ASTN1: variants seen among roughly 807,000 people sequenced by gnomAD.
ASTN1 encodes the protein astrotactin 1.
Under a neutral mutation model 140.7 loss-of-function variants are expected in ASTN1, and 41 were observed. The observed-to-expected ratio is 0.29, with a 90% CI of 0.23 to 0.38. The LOEUF (loss-of-function observed/expected upper bound fraction) is 0.38, where lower values mean the gene tolerates loss of function less well. Among genes scored for constraint, ASTN1 ranks in the 10% least tolerant of loss-of-function variants. The pLI is 1.00. For synonymous variants in ASTN1, 640 were observed against 652.2 expected, an observed-to-expected ratio of 0.98 and a Z score of 0.29; for missense variants, 1,479 against 1,678.8, an observed-to-expected ratio of 0.88 and a Z score of 2.08.
intron 17 of ASTN1, 36 bp downstream of exon 17, chr1:176,894,526 G>A: frequency 6.2e-7 from 1 of 1,603,672 alleles, no homozygotes; most frequent in Non-Finnish European, 8.5e-7. Context: ...TGTTGTGGTT[G>A]ACGCCTCCCA....
In ASTN1 at chr1:176,973,840, C is replaced by G. The variant is rs181701088; in HGVS notation, c.1524-8603G>C. On this transcript the variant is annotated intron_variant, in intron 8 of 22. Transcript: ENST00000361833. ...CCTGACTAGAGTGCTGCCATCCCAG[C>G]CCACTCCTGGCATTTCATAGGCAAT... 1.4e-4 allele frequency among the ~76,000 whole-genome samples: 21 copies of G among 152,286 alleles called. No homozygotes were observed. The Middle Eastern group carries it at 0.014, about 99-fold the overall frequency.
chr1:177,074,541 C>A (rs944398879), intron 1 of ASTN1, among the ~76,000 whole-genome samples: 3 of 152,208 alleles, frequency 2.0e-5, no homozygotes, highest in Non-Finnish European at 4.4e-5. Context: ...CCCTTCACAA[C>A]TGTAATCCCT....
Position 176,957,751 on chromosome 1 carries a change from C to T in ASTN1, c.1814G>A (p.Ser605Asn). 6.2e-7 allele frequency: 1 copy of T among 1,614,130 alleles called. No individual in the cohort carries two copies. The highest frequency in any genetic ancestry group is 8.5e-7 in the Non-Finnish European group (1 of 1,179,994). Residue 605 changes from serine (S) to asparagine (N), a missense_variant, in exon 11 of 23, where the codon AGC becomes AAC. This residue lies in a region of ASTN1 where 729 missense variants were observed against 860.4 expected (regional missense o/e 0.85). Coordinates refer to ENST00000361833, the MANE Select transcript of ASTN1 (RefSeq NM_004319.3). The part of the protein sequence containing the change: ...LDSFGPVRDC[S>N]KDNGGCSKNF... Reference sequence around the variant, plus strand: ...CTTACTGCAGCCCCCGTTATCTTTGCTGCAGTCGCGCACCGGCCCAAAGGA... The same window carrying T: ...CTTACTGCAGCCCCCGTTATCTTTGTTGCAGTCGCGCACCGGCCCAAAGGA...
Position 176,944,035 on chromosome 1 carries a change from C to T in ASTN1, c.2250-17G>A, listed in dbSNP as rs767420291. ...TTGTTTTGCCTAGAAAGAGGGTAGA[C>T]CTTCATTTCTGAGTGTTCAGGTGAA... On this transcript the variant is annotated splice_polypyrimidine_tract_variant and intron_variant, in intron 13 of 22. Transcript: ENST00000361833. 1.9e-6 allele frequency: 3 copies of T among 1,612,564 alleles called. No homozygotes were observed. In the East Asian group the frequency reaches 6.7e-5, roughly 36 times the overall value.
At chr1:177,024,335 AT>A (rs1484213384) in intron 6 of ASTN1, among the ~76,000 whole-genome samples, 2 of 152,220 alleles carry the variant, frequency 1.3e-5, no homozygotes, top group Non-Finnish European at 2.9e-5. Context: ...ACAGAGACGT[AT>A]TAAAAACAAA....
chr1:176,935,286 C>T (rs1452881215), intron 15 of ASTN1, among the ~76,000 whole-genome samples: 4 of 152,162 alleles, frequency 2.6e-5, no homozygotes, highest in Non-Finnish European at 4.4e-5. Flanking sequence ...GTGGCACCAG[C>T]GATATTTGAT....
At chr1:176,881,259 T>C (rs774485428) in intron 20 of ASTN1, among the ~76,000 whole-genome samples, 27 of 152,206 alleles carry the variant, frequency 1.8e-4, no homozygotes, top group Non-Finnish European at 2.9e-4. Context: ...ACAGTTCGCA[T>C]TTTATAAGAT....
chr1:177,077,233 T>C (rs1333042268), intron 1 of ASTN1, among the ~76,000 whole-genome samples: 2 of 152,112 alleles, frequency 1.3e-5, no homozygotes, highest in Non-Finnish European at 2.9e-5. Flanking sequence ...AATCTCAGCG[T>C]GACTCCCCTC....
At chr1:177,008,780 C>T (rs1675137700) in intron 8 of ASTN1, among the ~76,000 whole-genome samples, 1 of 152,054 alleles carries the variant, frequency 6.6e-6, no homozygotes. Flanking sequence ...AAGATAATCC[C>T]ATTTGTGGAT....
Position 176,972,491 on chromosome 1 carries a change from CT to C in ASTN1, c.1524-7255del, listed in dbSNP as rs1035721357. ...CCTACAGTTGCTAAATGAACTACTACTTTTTTTTAATTTTTAATTTTTTTAG... is the reference window on the plus strand; with the variant it reads ...CCTACAGTTGCTAAATGAACTACTACTTTTTTTAATTTTTAATTTTTTTAG... On this transcript the variant is annotated intron_variant, in intron 8 of 22. Transcript: ENST00000361833. Among the ~76,000 whole-genome samples, 41 of 152,030 alleles carry C rather than the reference CT, an allele frequency of 2.7e-4. 1 individual carries two copies. The highest frequency in any genetic ancestry group is 8.4e-4 in the African/African-American group (35 of 41,482).
At chr1:177,020,213 A>G (rs1675756349) in intron 7 of ASTN1, among the ~76,000 whole-genome samples, 2 of 152,160 alleles carry the variant, frequency 1.3e-5, no homozygotes, top group South Asian at 4.1e-4. Context: ...TCCTTAGTGT[A>G]TAAGTTTTCT....
intron 1 of ASTN1, among the ~76,000 whole-genome samples, chr1:177,121,411 A>C (rs1232312042): frequency 2.6e-5 from 4 of 152,250 alleles, no homozygotes; most frequent in Non-Finnish European, 5.9e-5. Flanking sequence ...GGCCCTTGAC[A>C]TCAGACAGAC....
chr1:177,020,949 C>T (rs1189926959), intron 7 of ASTN1, among the ~76,000 whole-genome samples: 1 of 152,196 alleles, frequency 6.6e-6, no homozygotes, highest in Non-Finnish European at 1.5e-5. Context: ...TGGGAAAGCA[C>T]ATGTCCCAAC....
chr1:176,985,004 G>A (rs1673818255), intron 8 of ASTN1, among the ~76,000 whole-genome samples: 1 of 152,104 alleles, frequency 6.6e-6, no homozygotes, highest in African/African-American at 2.4e-5. Context: ...CCTCCCCACA[G>A]GACTCAAGCC....
intron 19 of ASTN1, among the ~76,000 whole-genome samples, chr1:176,883,359 A>G (rs908535088): frequency 2.7e-4 from 41 of 151,930 alleles, no homozygotes; most frequent in Admixed American, 2.7e-3. Context: ...CAGCCTCCCA[A>G]GTAGCTGAGA....
At chr1:176,924,424 G>A (rs1307037409) in intron 16 of ASTN1, among the ~76,000 whole-genome samples, 1 of 152,152 alleles carries the variant, frequency 6.6e-6, no homozygotes, top group Non-Finnish European at 1.5e-5. Flanking sequence ...TGGCCATCTG[G>A]ATTTACTTCA....
chr1:176,911,742 A>G (rs1237804843), intron 16 of ASTN1, among the ~76,000 whole-genome samples: 1 of 152,176 alleles, frequency 6.6e-6, no homozygotes, highest in Non-Finnish European at 1.5e-5. Flanking sequence ...TCTTACAGTT[A>G]ACCTTTAAAA....
At chr1:176,885,746 G>A (rs978949547) in intron 18 of ASTN1, among the ~76,000 whole-genome samples, 47 of 152,150 alleles carry the variant, frequency 3.1e-4, no homozygotes, top group African/African-American at 1.1e-3. Context: ...GGGATGCAGT[G>A]GTGCACAAGC....
At position 176,861,581 on chromosome 1, in the gene ASTN1, G is replaced by A. The variant is rs1329842310; in HGVS notation, c.*2703C>T. 1 of 985,472 alleles carries A rather than the reference G, an allele frequency of 1.0e-6. No individual in the cohort carries two copies. Among genetic ancestry groups the A allele is most frequent in the Middle Eastern group, 5.2e-4 (1 of 1,936 alleles). 61.0% of individuals were successfully genotyped at this position (985,472 alleles called of 1,614,324 possible). On this transcript the variant is annotated 3_prime_UTR_variant, in exon 23 of 23. Transcript: ENST00000361833. Reference sequence around the variant, plus strand: ...AGGGGAAAAAATCCTCCAGTCAATTGTACAACCATCCTAAGATTTTCCCCT... The same window carrying A: ...AGGGGAAAAAATCCTCCAGTCAATTATACAACCATCCTAAGATTTTCCCCT...
Sources: allele counts gnomAD v4.1 joint callset (sites outside exome capture counted in the v4.1 genomes callset), GRCh38; gene constraint gnomAD v4.1.1; regional missense constraint gnomAD v4.1.1; transcripts MANE v1.5; gene names NCBI Gene and HGNC (gene_info 2026-07-23, HGNC 2026-07-21).